NRBF2: variants seen among roughly 807,000 people sequenced by gnomAD.
NRBF2 encodes nuclear receptor binding factor 2.
NRBF2 carries 12 observed loss-of-function variants against 28.5 expected under a neutral mutation model. The observed-to-expected ratio is 0.42, with a 90% confidence interval of 0.27 to 0.68. The LOEUF is 0.68. NRBF2 is among the 30% of genes least tolerant of loss of function. The probability of loss-of-function intolerance (pLI) is 0.24; values close to 1 mark genes in which losing one functional copy is unlikely to be tolerated. For synonymous variants in NRBF2, 102 were observed against 116.5 expected (o/e 0.88, Z 0.80); for missense variants, 274 against 333.5 (o/e 0.82, Z 1.39).
rs781293012 is a variant in NRBF2, at chr10:63,142,780, C to CTTTTTTTTTTTTTTTTTTTTTTTTTTTTT, written c.31-3409_31-3408insTTTTTTTTTTTTTTTTTTTTTTTTTTTTT. Among the ~76,000 whole-genome samples, 49 of 74,932 alleles carry CTTTTTTTTTTTTTTTTTTTTTTTTTTTTT rather than the reference C, an allele frequency of 6.5e-4. 3 individuals are homozygous for CTTTTTTTTTTTTTTTTTTTTTTTTTTTTT. Among genetic ancestry groups the CTTTTTTTTTTTTTTTTTTTTTTTTTTTTT allele is most frequent in the Non-Finnish European group, 7.2e-4 (31 of 43,212 alleles). The allele number at this position is 74,932 out of a possible 152,430, so 49.2% of individuals were successfully genotyped here. The stretch of plus-strand genomic sequence containing the variant: ...AGTCATTTCTTTTCTTTCTTTCTTT[C>CTTTTTTTTTTTTTTTTTTTTTTTTTTTTT]TTTTTTTTTTTTTTTTTTTTGAGGC... On this transcript the variant is annotated intron_variant, in intron 1 of 3. Transcript: ENST00000277746.
chr10:63,139,751 T>G (rs1279969254), intron 1 of NRBF2, among the ~76,000 whole-genome samples: 2 of 152,196 alleles, frequency 1.3e-5, no homozygotes, highest in Admixed American at 6.5e-5. Flanking sequence ...AGCCTCTGAA[T>G]GTCACATTAA....
At position 63,133,477 on chromosome 10, in the gene NRBF2, G is replaced by A; in HGVS notation, c.7G>A (p.Val3Ile). ME[V>I]MEGPLNLAHQ... is the part of the protein sequence containing the mutation. ...GCCGCTTACCCCGGGGTCTATGGAA[G>A]TAATGGAAGGACCCCTCAACCTGGT... is the stretch of plus-strand genomic sequence containing the variant. The change falls in exon 1 of 4, where the codon GTA becomes ATA. Residue 3 changes from valine to isoleucine, a missense_variant. Physicochemically the swap from Val to Ile is conservative, Grantham distance 29. Transcript: ENST00000277746. 1 of 1,611,458 alleles carries A rather than the reference G, an allele frequency of 6.2e-7. No individual in the cohort carries two copies. Among genetic ancestry groups the A allele is most frequent in the Non-Finnish European group, 8.5e-7 (1 of 1,178,602 alleles).
intron 3 of NRBF2, among the ~76,000 whole-genome samples, chr10:63,152,463 C>T (rs1437869139): frequency 6.6e-6 from 1 of 152,200 alleles, no homozygotes. Context: ...GAGCCCTCTT[C>T]GGACCATTCC....
intron 2 of NRBF2, among the ~76,000 whole-genome samples, chr10:63,147,978 A>G (rs779705927): frequency 6.6e-5 from 10 of 152,198 alleles, no homozygotes; most frequent in Non-Finnish European, 1.0e-4. Flanking sequence ...TGTAGTCACT[A>G]CAAAGACGAT....
intron 1 of NRBF2, among the ~76,000 whole-genome samples, chr10:63,137,620 G>GTAGT (rs1841395231): frequency 6.6e-6 from 1 of 152,166 alleles, no homozygotes; most frequent in African/African-American, 2.4e-5. Context: ...ATCACATGAG[G>GTAGT]TAGTTAATGA....
intron 1 of NRBF2, among the ~76,000 whole-genome samples, chr10:63,140,517 C>G (rs1841446540): frequency 6.6e-6 from 1 of 151,868 alleles, no homozygotes; most frequent in South Asian, 2.1e-4. Flanking sequence ...TCCTGAGCTT[C>G]TGATCCTCCT....
At chr10:63,135,678 C>G (rs569517992) in intron 1 of NRBF2, among the ~76,000 whole-genome samples, 4 of 144,840 alleles carry the variant, frequency 2.8e-5, no homozygotes, top group Admixed American at 7.0e-5. Context: ...GATGGAGTCT[C>G]TCTCTGTCAC....
rs1482402962 is a variant in NRBF2 at position 63,150,116 on chromosome 10, A to T, written c.116-2034A>T. ...GCCACCACGCCCAGCTAATTTTTGTATTTTTTTTTTTTTTTAGTAGAGACG... is the reference window on the plus strand; with the variant it reads ...GCCACCACGCCCAGCTAATTTTTGTTTTTTTTTTTTTTTTTAGTAGAGACG... On this transcript the variant is annotated intron_variant, in intron 2 of 3. Coordinates refer to ENST00000277746, the MANE Select transcript of NRBF2 (RefSeq NM_030759.5). 3.8e-4 allele frequency among the ~76,000 whole-genome samples: 51 copies of T among 135,626 alleles called. No individual in the cohort carries two copies. In the South Asian group the frequency reaches 9.1e-3, roughly 24 times the overall value. The allele number at this position is 135,626 out of a possible 152,430, so 89.0% of individuals were successfully genotyped here.
rs1419630263 is a variant in NRBF2, at chr10:63,154,392, G to A, written c.*174G>A. The stretch of plus-strand genomic sequence containing the variant: ...TTGGGAAACAGTCACTGTGAAATGC[G>A]CTGCGTATCTCATTCACTCACTTCA... On this transcript the variant is annotated 3_prime_UTR_variant, in exon 4 of 4. Transcript: ENST00000277746. 9.1e-6 allele frequency: 5 copies of A among 550,244 alleles called. No individual in the cohort carries two copies. Among genetic ancestry groups the A allele is most frequent in the Admixed American group, 3.5e-5 (1 of 28,766 alleles). The allele number at this position is 550,244 out of a possible 1,614,324, so 34.1% of individuals were successfully genotyped here. A position where few individuals can be genotyped will look rare whatever the true frequency, so the allele number is the denominator to read the frequency against.
intron 2 of NRBF2, among the ~76,000 whole-genome samples, chr10:63,150,508 C>A (rs1841631394): frequency 6.6e-6 from 1 of 151,942 alleles, no homozygotes; most frequent in South Asian, 2.1e-4. Context: ...TGTTTGGCCT[C>A]CCAAAGTGCT....
At position 63,133,485 on chromosome 10, in the gene NRBF2, A is replaced by G; in HGVS notation, c.15A>G (p.Glu5=). 6.2e-7 allele frequency: 1 copy of G among 1,611,202 alleles called. No individual in the cohort carries two copies. ...CCCCGGGGTCTATGGAAGTAATGGAAGGACCCCTCAACCTGGTGAGTGTCC... is the reference window on the plus strand; with the variant it reads ...CCCCGGGGTCTATGGAAGTAATGGAGGGACCCCTCAACCTGGTGAGTGTCC... MEVM[E]GPLNLAHQQS... Residue 5 remains glutamate (E), a synonymous_variant, in exon 1 of 4, where the codon GAA becomes GAG. Transcript: ENST00000277746.
At chr10:63,150,788 A>C (rs1261933113) in intron 2 of NRBF2, among the ~76,000 whole-genome samples, 1 of 152,250 alleles carries the variant, frequency 6.6e-6, no homozygotes, top group African/African-American at 2.4e-5. Context: ...GCAGCTAGAC[A>C]GTCTCATCTA....
At chr10:63,138,077 C>A (rs1166321166) in intron 1 of NRBF2, among the ~76,000 whole-genome samples, 1 of 151,944 alleles carries the variant, frequency 6.6e-6, no homozygotes, top group Admixed American at 6.6e-5. Flanking sequence ...TGCCTGTAAT[C>A]CCAGCACTTT....
intron 2 of NRBF2, among the ~76,000 whole-genome samples, chr10:63,148,467 A>G (rs1480517004): frequency 6.6e-6 from 1 of 152,222 alleles, no homozygotes; most frequent in Non-Finnish European, 1.5e-5. Context: ...AAAGGAAGCA[A>G]CTTATTATTT....
chr10:63,150,528 G>A (rs12415984), intron 2 of NRBF2, among the ~76,000 whole-genome samples: 21,390 of 151,860 alleles, frequency 0.14, 2,207 homozygotes, highest in East Asian at 0.35. Flanking sequence ...TAGCCACTGC[G>A]CCTGGCTCCA....
At chr10:63,140,808 C>T (rs1045734618) in intron 1 of NRBF2, among the ~76,000 whole-genome samples, 2 of 151,870 alleles carry the variant, frequency 1.3e-5, no homozygotes. Flanking sequence ...TCAAGCGATT[C>T]TCCTGCCTCA....
chr10:63,149,439 C>A (rs1841612971), intron 2 of NRBF2, among the ~76,000 whole-genome samples: 1 of 152,166 alleles, frequency 6.6e-6, no homozygotes, highest in South Asian at 2.1e-4. Context: ...TTAATATCTA[C>A]TTTAAATTTT....
At chr10:63,146,453 T>G (rs1841563218) in intron 2 of NRBF2, among the ~76,000 whole-genome samples, 160 bp downstream of exon 2, 1 of 152,252 alleles carries the variant, frequency 6.6e-6, no homozygotes, top group Non-Finnish European at 1.5e-5. Context: ...TCCCAGCTCC[T>G]GCTAATCCAA....
chr10:63,143,187 T>C (rs746124609), intron 1 of NRBF2, among the ~76,000 whole-genome samples: 10 of 152,214 alleles, frequency 6.6e-5, no homozygotes, highest in Admixed American at 1.3e-4. Flanking sequence ...AATCCTGTAA[T>C]TGAAAGGCAC....
Sources: allele counts gnomAD v4.1 joint callset (sites outside exome capture counted in the v4.1 genomes callset), GRCh38; gene constraint gnomAD v4.1.1; transcripts MANE v1.5; gene names NCBI Gene and HGNC (gene_info 2026-07-23, HGNC 2026-07-21).